RIT2: variants seen among roughly 807,000 people sequenced by gnomAD.
RIT2 encodes the protein Ras like without CAAX 2, also known as GTP-binding protein Rit2.
Under a neutral mutation model 23.7 loss-of-function variants are expected in RIT2, and 24 were observed. The observed-to-expected ratio is 1.01, with a 90% confidence interval of 0.73 to 1.43. The LOEUF (loss-of-function observed/expected upper bound fraction) is 1.43, where lower values mean the gene tolerates loss of function less well. RIT2 is among the 40% of genes most tolerant of loss of function. RIT2 has a pLI of 0.00. For synonymous variants in RIT2, 107 were observed against 91.1 expected, an observed-to-expected ratio of 1.17 and a Z score of -0.99; for missense variants, 236 against 266.9, an observed-to-expected ratio of 0.88 and a Z score of 0.81.
chr18:42,829,202 A>C (rs950451576), intron 4 of RIT2, among the ~76,000 whole-genome samples: 12 of 152,282 alleles, frequency 7.9e-5, no homozygotes, highest in African/African-American at 2.9e-4. Context: ...CAATTGGAAT[A>C]ATTCATCCAA....
intron 1 of RIT2, among the ~76,000 whole-genome samples, chr18:43,109,153 CT>C (rs1375562551): frequency 6.6e-6 from 1 of 152,208 alleles, no homozygotes; most frequent in African/African-American, 2.4e-5. Context: ...TTACTGCTTT[CT>C]CTTTATAAAA....
rs900749743 is a variant in RIT2 at position 42,872,061 on chromosome 18, T to C, written c.426+51511A>G. On this transcript the variant is annotated intron_variant, in intron 4 of 4. Transcript: ENST00000326695. ...GGGCCATCTCCATTGTCCTTCATCA[T>C]CTTGCTTTAAAAAATAATTTCTCTA... Among the ~76,000 whole-genome samples the C allele has an allele frequency of 2.0e-5, 3 of 152,146 alleles. No individual in the cohort carries two copies. The East Asian group carries it at 5.8e-4, about 29-fold the overall frequency.
At chr18:42,912,625 T>C (rs1197025877) in intron 4 of RIT2, among the ~76,000 whole-genome samples, 1 of 151,858 alleles carries the variant, frequency 6.6e-6, no homozygotes, top group East Asian at 1.9e-4. Context: ...CATTTCAACA[T>C]ACAGATAAGA....
intron 1 of RIT2, among the ~76,000 whole-genome samples, chr18:43,054,848 G>C (rs987576833): frequency 6.6e-6 from 1 of 152,042 alleles, no homozygotes; most frequent in Admixed American, 6.6e-5. Context: ...ATTCATAAAA[G>C]TTTGTTTGTG....
At chr18:42,927,965 C>A (rs544231467) in intron 3 of RIT2, among the ~76,000 whole-genome samples, 1 of 151,976 alleles carries the variant, frequency 6.6e-6, no homozygotes, top group African/African-American at 2.4e-5. Flanking sequence ...CTCCCCGTTG[C>A]ATTCAAGTAG....
chr18:42,980,168 G>A (rs944575606), intron 2 of RIT2, among the ~76,000 whole-genome samples: 6 of 152,100 alleles, frequency 3.9e-5, no homozygotes, highest in Non-Finnish European at 8.8e-5. Context: ...TTTGTGGGAC[G>A]ACTCAGGGCA....
intron 3 of RIT2, among the ~76,000 whole-genome samples, chr18:42,969,139 A>G (rs1461331406): frequency 6.6e-6 from 1 of 152,166 alleles, no homozygotes; most frequent in Non-Finnish European, 1.5e-5. Context: ...TGATTCTAGA[A>G]TATAATTAGT....
intron 4 of RIT2, among the ~76,000 whole-genome samples, chr18:42,916,923 A>C (rs77773610): frequency 6.6e-6 from 1 of 152,122 alleles, no homozygotes. Context: ...ATGCAAACCC[A>C]ACAGAGTCTT....
intron 3 of RIT2, among the ~76,000 whole-genome samples, chr18:42,950,512 G>A (rs963291742): frequency 1.6e-4 from 24 of 151,990 alleles, no homozygotes; most frequent in Non-Finnish European, 3.2e-4. Context: ...GTCCCCAAAA[G>A]CAATTGCAAC....
At chr18:42,959,034 GT>G (rs1158982370) in intron 3 of RIT2, among the ~76,000 whole-genome samples, 1 of 152,032 alleles carries the variant, frequency 6.6e-6, no homozygotes, top group Non-Finnish European at 1.5e-5. Context: ...ATTATGCAAG[GT>G]TCCCTATGCA....
intron 3 of RIT2, among the ~76,000 whole-genome samples, chr18:42,926,883 A>G (rs183388621): frequency 5.3e-5 from 8 of 152,030 alleles, no homozygotes; most frequent in African/African-American, 1.7e-4. Flanking sequence ...AGACAGTCAT[A>G]GTACATGACC....
At chr18:42,759,879 A>G (rs1421748178) in intron 4 of RIT2, among the ~76,000 whole-genome samples, 2 of 151,768 alleles carry the variant, frequency 1.3e-5, no homozygotes, top group African/African-American at 2.4e-5. Flanking sequence ...CTGGGTTCCA[A>G]TGATTCTCCC....
At position 42,810,532 on chromosome 18, in the gene RIT2, A is replaced by C. The variant is rs547890093; in HGVS notation, c.427-66812T>G. 9.9e-5 allele frequency among the ~76,000 whole-genome samples: 15 copies of C among 152,046 alleles called. No homozygotes were observed. In the East Asian group the frequency reaches 2.9e-3, roughly 29 times the overall value. ...ACCATAAAAATCCAAGATGAAAGAG[A>C]ACCATTAGGTCATCTGTATTCAACT... On this transcript the variant is annotated intron_variant, in intron 4 of 4. Transcript: ENST00000326695.
intron 3 of RIT2, among the ~76,000 whole-genome samples, chr18:42,964,052 G>A (rs572506401): frequency 2.0e-5 from 3 of 151,956 alleles, no homozygotes; most frequent in African/African-American, 4.8e-5. Context: ...TTAGCTGGGC[G>A]CGGTGATGTG....
chr18:42,950,115 A>G (rs1010496270), intron 3 of RIT2, among the ~76,000 whole-genome samples: 3 of 152,144 alleles, frequency 2.0e-5, no homozygotes, highest in Non-Finnish European at 2.9e-5. Flanking sequence ...TCAGTCAATT[A>G]TTCTATACTC....
At chr18:43,074,139 A>G (rs1912959346) in intron 1 of RIT2, among the ~76,000 whole-genome samples, 3 of 152,190 alleles carry the variant, frequency 2.0e-5, no homozygotes, top group African/African-American at 7.2e-5. Flanking sequence ...ATCTTTTGCT[A>G]TTTAGGAGCA....
At chr18:42,829,204 T>C (rs1201712325) in intron 4 of RIT2, among the ~76,000 whole-genome samples, 1 of 152,142 alleles carries the variant, frequency 6.6e-6, no homozygotes, top group Non-Finnish European at 1.5e-5. Context: ...ATTGGAATAA[T>C]TCATCCAAAA....
chr18:42,815,413 A>G (rs1905967373), intron 4 of RIT2, among the ~76,000 whole-genome samples: 1 of 152,184 alleles, frequency 6.6e-6, no homozygotes, highest in African/African-American at 2.4e-5. Flanking sequence ...TCAATCCAAC[A>G]AAGACAAAGG....
chr18:43,094,460 T>C (rs1034169331), intron 1 of RIT2, among the ~76,000 whole-genome samples: 2 of 151,972 alleles, frequency 1.3e-5, no homozygotes, highest in African/African-American at 2.4e-5. Context: ...TTGAATTCAG[T>C]GAATTGACAT....
Sources: gnomAD v4.1 joint callset for allele counts (sites outside exome capture counted in the v4.1 genomes callset) on GRCh38, gnomAD v4.1.1 for gene constraint, MANE v1.5 for transcripts, NCBI Gene and HGNC (gene_info 2026-07-23, HGNC 2026-07-21) for gene names.